The following CADPS variants were observed in gnomAD, a reference collection of about 807,000 sequenced individuals.
The protein encoded by CADPS is calcium-dependent secretion activator 1.
A neutral mutation model predicts 167.3 loss-of-function variants in CADPS; 57 were observed. The observed-to-expected ratio is 0.34, with a 90% confidence interval of 0.28 to 0.42. CADPS has a LOEUF of 0.42. Among genes scored for constraint, CADPS ranks in the 20% least tolerant of loss-of-function variants. The pLI, the probability that CADPS is intolerant of heterozygous loss-of-function variation, is 1.00. For synonymous variants in CADPS, 676 were observed against 635.3 expected (o/e 1.06, Z -0.96); for missense variants, 1,414 against 1,738.1 (o/e 0.81, Z 3.32).
rs1439618187 is a variant in CADPS, at chr3:62,756,843, G to T, written c.556-3070C>A. Among the ~76,000 whole-genome samples, 3 of 152,274 alleles carry T rather than the reference G, an allele frequency of 2.0e-5. No individual in the cohort carries two copies. In the East Asian group the frequency reaches 5.8e-4, roughly 29 times the overall value. On this transcript the variant is annotated intron_variant, in intron 2 of 29. Coordinates refer to ENST00000383710, the MANE Select transcript of CADPS (RefSeq NM_003716.4). ...TGTGGCTGTGGCAATGAGGGCTGGG[G>T]GTGACAGATGTAAGATGGGCAGGGA...
At position 62,514,175 on chromosome 3, in the gene CADPS, T is replaced by A. The variant is rs914110480; in HGVS notation, c.2582-1407A>T. 7.2e-5 allele frequency among the ~76,000 whole-genome samples: 11 copies of A among 152,110 alleles called. No homozygotes were observed. Among genetic ancestry groups the A allele is most frequent in the Non-Finnish European group, 1.3e-4 (9 of 67,980 alleles). On this transcript the variant is annotated intron_variant, in intron 16 of 29. Transcript: ENST00000383710. This position sits in a 1 kb window ranked among gnomAD's most constrained non-coding sequence, Gnocchi z 4.2. ...TCAAATGTAAAAAATGAAAGATTTC[T>A]TCTCTGAGGGTAGGATCAGAGCCTT...
chr3:62,581,189 G>C (rs2083361967), intron 8 of CADPS, among the ~76,000 whole-genome samples: 5 of 152,102 alleles, frequency 3.3e-5, no homozygotes, highest in Admixed American at 6.6e-5. Context: ...GCTGTTGTAA[G>C]AATTAAATAA....
At chr3:62,435,992 T>C (rs2054943594) in intron 28 of CADPS, among the ~76,000 whole-genome samples, 1 of 152,078 alleles carries the variant, frequency 6.6e-6, no homozygotes, top group Non-Finnish European at 1.5e-5. Context: ...AATTAAAGGC[T>C]GGAGGGCTTG....
intron 28 of CADPS, among the ~76,000 whole-genome samples, chr3:62,414,886 C>A (rs369841078): frequency 7.9e-5 from 12 of 152,264 alleles, no homozygotes; most frequent in East Asian, 5.8e-4. Flanking sequence ...CCCAACCCCC[C>A]CAAACCCACT....
intron 6 of CADPS, among the ~76,000 whole-genome samples, chr3:62,636,003 G>A (rs192680450): frequency 1.8e-4 from 28 of 152,276 alleles, no homozygotes; most frequent in Admixed American, 9.2e-4. Context: ...GAGATAAAGC[G>A]TCTTTAGCTT....
At chr3:62,802,841 A>G (rs2093852978) in intron 1 of CADPS, among the ~76,000 whole-genome samples, 1 of 152,050 alleles carries the variant, frequency 6.6e-6, no homozygotes, top group Non-Finnish European at 1.5e-5. Context: ...GCTCTTTCCT[A>G]CTATTCTCTG....
chr3:62,431,533 T>C (rs1255821795), intron 28 of CADPS, among the ~76,000 whole-genome samples: 1 of 135,676 alleles, frequency 7.4e-6, no homozygotes, highest in Non-Finnish European at 1.6e-5. Context: ...TTCAGCTTGA[T>C]TTTTTTTTTT....
intron 6 of CADPS, among the ~76,000 whole-genome samples, chr3:62,598,235 C>CA (rs1224091435): frequency 1.3e-5 from 2 of 152,150 alleles, no homozygotes; most frequent in African/African-American, 2.4e-5. Context: ...ACATGCCCCT[C>CA]AAGCTGGCTC....
intron 5 of CADPS, among the ~76,000 whole-genome samples, chr3:62,646,717 T>C (rs1431256852): frequency 1.3e-5 from 2 of 152,340 alleles, no homozygotes; most frequent in African/African-American, 4.8e-5. Context: ...TGTTGCCTTG[T>C]CTTTTCTCAC....
At chr3:62,509,047 A>T (rs1038773474) in intron 17 of CADPS, among the ~76,000 whole-genome samples, 2 of 151,990 alleles carry the variant, frequency 1.3e-5, no homozygotes, top group Non-Finnish European at 2.9e-5. Flanking sequence ...TCATGCCTGT[A>T]ATCTCAGCAC....
intron 1 of CADPS, among the ~76,000 whole-genome samples, chr3:62,828,480 A>G (rs904256878): frequency 2.6e-5 from 4 of 152,214 alleles, no homozygotes; most frequent in African/African-American, 4.8e-5. Context: ...AGCTTTTGCC[A>G]TAACGGCTTG....
intron 5 of CADPS, among the ~76,000 whole-genome samples, chr3:62,646,649 T>C (rs1382632970): frequency 6.6e-6 from 1 of 152,214 alleles, no homozygotes; most frequent in African/African-American, 2.4e-5. Flanking sequence ...GCAGGGACTA[T>C]GACAAACTGG....
intron 6 of CADPS, among the ~76,000 whole-genome samples, chr3:62,638,302 T>A (rs911096758): frequency 1.3e-5 from 2 of 152,086 alleles, no homozygotes; most frequent in African/African-American, 2.4e-5. Context: ...GATTTAGAAT[T>A]TCCCCCTCAT....
chr3:62,516,551 T>C (rs759561890), intron 15 of CADPS, 29 bp downstream of exon 15: 2 of 1,508,852 alleles, frequency 1.3e-6, no homozygotes, highest in East Asian at 2.3e-5. Context: ...TTTATATATA[T>C]GTGATCTATC....
At chr3:62,808,848 A>G (rs2094248653) in intron 1 of CADPS, among the ~76,000 whole-genome samples, 1 of 152,148 alleles carries the variant, frequency 6.6e-6, no homozygotes, top group Non-Finnish European at 1.5e-5. Flanking sequence ...GGTGGAGTAC[A>G]ATATGCATTT....
At chr3:62,854,639 A>G (rs575795509) in intron 1 of CADPS, among the ~76,000 whole-genome samples, 19 of 152,314 alleles carry the variant, frequency 1.2e-4, no homozygotes, top group Non-Finnish European at 5.9e-5. Flanking sequence ...AAAAGATTGC[A>G]TGTTATCTTC....
At chr3:62,629,827 G>C (rs1267609406) in intron 6 of CADPS, among the ~76,000 whole-genome samples, 1 of 149,352 alleles carries the variant, frequency 6.7e-6, no homozygotes, top group Non-Finnish European at 1.5e-5. Flanking sequence ...CCATCTTGGG[G>C]ACTTTAAACT....
chr3:62,738,709 A>C (rs1480240976), intron 3 of CADPS, among the ~76,000 whole-genome samples: 2 of 152,186 alleles, frequency 1.3e-5, no homozygotes, highest in Non-Finnish European at 2.9e-5. Context: ...CTGGGCAACA[A>C]GAGTGAAACT....
Position 62,412,519 on chromosome 3 carries a change from T to G in CADPS, c.3778-9334A>C, listed in dbSNP as rs1202621617. On this transcript the variant is annotated intron_variant, in intron 28 of 29. Coordinates refer to ENST00000383710, the MANE Select transcript of CADPS (RefSeq NM_003716.4). The surrounding 1 kb of genome is among the most constrained non-coding windows in gnomAD (Gnocchi z 4.1). ...GGATTTAACATTTGGGAGCATTATT[T>G]CAACTCCCTTAGGAAGGTCCCAAAT... is the stretch of plus-strand genomic sequence containing the variant. 6.6e-6 allele frequency among the ~76,000 whole-genome samples: 1 copy of G among 152,210 alleles called. No homozygotes were observed. The highest frequency in any genetic ancestry group is 2.4e-5 in the African/African-American group (1 of 41,460).
Sources: gnomAD v4.1 joint callset for allele counts (sites outside exome capture counted in the v4.1 genomes callset) on GRCh38, gnomAD v4.1.1 for gene constraint, Gnocchi (gnomAD v3.1) non-coding constraint, MANE v1.5 for transcripts, NCBI Gene and HGNC (gene_info 2026-07-23, HGNC 2026-07-21) for gene names.